Variants in SGCZ observed in about 807,000 individuals in gnomAD.
SGCZ encodes the protein sarcoglycan zeta.
SGCZ carries 40 observed loss-of-function variants against 41.3 expected under a neutral mutation model. The observed-to-expected ratio is 0.97, with a 90% CI of 0.75 to 1.26. The LOEUF is 1.26. Among genes scored for constraint, SGCZ ranks in the 50% most tolerant of loss-of-function variants. The pLI, the probability that SGCZ is intolerant of heterozygous loss-of-function variation, is 0.00. For synonymous variants in SGCZ, 206 were observed against 137.5 expected, an observed-to-expected ratio of 1.50 and a Z score of -3.49; for missense variants, 552 against 369.8, an observed-to-expected ratio of 1.49 and a Z score of -4.04.
chr8:14,520,821 G>C (rs374986728), intron 2 of SGCZ, among the ~76,000 whole-genome samples: 21 of 152,136 alleles, frequency 1.4e-4, no homozygotes, highest in African/African-American at 5.1e-4. Flanking sequence ...TAAAATGAGA[G>C]AGCATTCTTT....
rs768585806 is a variant in SGCZ at position 14,085,577 on chromosome 8, G to A, written c.*4866C>T. On this transcript the variant is annotated 3_prime_UTR_variant, in exon 8 of 8. Transcript: ENST00000382080. ...GTTAACAATTAAAAAATAGCCCTCT[G>A]GTTCTACAAGTATTTCAAATTTTAT... 6.6e-6 allele frequency among the ~76,000 whole-genome samples: 1 copy of A among 151,852 alleles called. No individual in the cohort carries two copies. Among genetic ancestry groups the A allele is most frequent in the South Asian group, 2.1e-4 (1 of 4,818 alleles).
intron 1 of SGCZ, among the ~76,000 whole-genome samples, chr8:14,730,034 C>T (rs1021820196): frequency 1.3e-5 from 2 of 152,054 alleles, no homozygotes; most frequent in Non-Finnish European, 2.9e-5. Flanking sequence ...TGCAGTGAGC[C>T]GAGATCGTGC....
chr8:15,110,086 G>A (rs894632078), intron 1 of SGCZ, among the ~76,000 whole-genome samples: 2 of 152,120 alleles, frequency 1.3e-5, no homozygotes, highest in Non-Finnish European at 1.5e-5. Flanking sequence ...AATCTATCGT[G>A]AGCTTAGAAA....
At chr8:15,058,757 G>C (rs1290465743) in intron 1 of SGCZ, among the ~76,000 whole-genome samples, 1 of 152,094 alleles carries the variant, frequency 6.6e-6, no homozygotes, top group African/African-American at 2.4e-5. Flanking sequence ...CTTCTTTTAA[G>C]AAAATCTCGT....
intron 1 of SGCZ, among the ~76,000 whole-genome samples, chr8:14,720,649 C>A (rs1380302249): frequency 6.6e-6 from 1 of 152,018 alleles, no homozygotes; most frequent in African/African-American, 2.4e-5. Context: ...AGTTTTATCA[C>A]AACCCAGCCA....
intron 4 of SGCZ, among the ~76,000 whole-genome samples, chr8:14,212,401 G>A (rs1358662395): frequency 6.8e-6 from 1 of 148,044 alleles, no homozygotes; most frequent in Non-Finnish European, 1.5e-5. Context: ...AAGGCATCAA[G>A]CAGGAGCTTT....
At chr8:15,189,344 C>A (rs939179177) in intron 1 of SGCZ, among the ~76,000 whole-genome samples, 1 of 152,116 alleles carries the variant, frequency 6.6e-6, no homozygotes, top group Admixed American at 6.6e-5. Context: ...AGCAAACATA[C>A]GTTTTCTCTA....
At chr8:14,436,668 T>C (rs1250776610) in intron 2 of SGCZ, among the ~76,000 whole-genome samples, 1 of 152,234 alleles carries the variant, frequency 6.6e-6, no homozygotes, top group African/African-American at 2.4e-5. Flanking sequence ...TGTTTCTCTT[T>C]AGACTGTCAT....
At chr8:14,607,210 T>C (rs965792964) in intron 1 of SGCZ, among the ~76,000 whole-genome samples, 1 of 152,172 alleles carries the variant, frequency 6.6e-6, no homozygotes, top group Non-Finnish European at 1.5e-5. Flanking sequence ...AGACATATAC[T>C]GAAAATTAAA....
chr8:15,147,917 C>T (rs549151375), intron 1 of SGCZ, among the ~76,000 whole-genome samples: 5 of 152,208 alleles, frequency 3.3e-5, no homozygotes, highest in Admixed American at 1.3e-4. Context: ...TTGCTTAATT[C>T]GTGGTAGAAT....
At chr8:14,403,601 G>A (rs1045132736) in intron 2 of SGCZ, among the ~76,000 whole-genome samples, 13 of 152,004 alleles carry the variant, frequency 8.6e-5, no homozygotes, top group Middle Eastern at 3.4e-3. Flanking sequence ...TTATTGATTC[G>A]CGTATATTGA....
chr8:14,402,663 C>A (rs1175449696), intron 2 of SGCZ, among the ~76,000 whole-genome samples: 1 of 142,714 alleles, frequency 7.0e-6, no homozygotes, highest in Non-Finnish European at 1.5e-5. Flanking sequence ...TGTTTTGGTA[C>A]CAGTACCACG....
At chr8:15,057,103 T>A (rs1804738159) in intron 1 of SGCZ, among the ~76,000 whole-genome samples, 1 of 152,196 alleles carries the variant, frequency 6.6e-6, no homozygotes, top group South Asian at 2.1e-4. Flanking sequence ...GTTCCCCGAT[T>A]ACCACTGTGT....
intron 5 of SGCZ, among the ~76,000 whole-genome samples, chr8:14,137,434 A>C (rs574052093): frequency 1.3e-5 from 2 of 152,216 alleles, no homozygotes; most frequent in Non-Finnish European, 2.9e-5. Context: ...AACCTTGAAA[A>C]AATGTTAGAT....
chr8:14,399,488 T>C (rs576355876), intron 2 of SGCZ, among the ~76,000 whole-genome samples: 5 of 152,202 alleles, frequency 3.3e-5, no homozygotes, highest in South Asian at 2.1e-4. Flanking sequence ...CCTGGATATA[T>C]AGGTTCTTTC....
Position 14,384,793 on chromosome 8 carries a change from C to T in SGCZ, c.235-60589G>A, listed in dbSNP as rs569742607. ...CTTGAACTCCTGGTCTCAAGTGATCCGCCCGCCTTGGCTTCCCAGAGTGCT... is the reference window on the plus strand; with the variant it reads ...CTTGAACTCCTGGTCTCAAGTGATCTGCCCGCCTTGGCTTCCCAGAGTGCT... On this transcript the variant is annotated intron_variant, in intron 2 of 7. Coordinates refer to ENST00000382080, the MANE Select transcript of SGCZ (RefSeq NM_139167.4). Among the ~76,000 whole-genome samples the T allele has an allele frequency of 1.9e-4, 29 of 152,246 alleles. No homozygotes were observed. In the East Asian group the frequency reaches 4.5e-3, roughly 23 times the overall value.
Position 14,449,148 on chromosome 8 carries a change from A to G in SGCZ, c.234+105584T>C, listed in dbSNP as rs73517492. On this transcript the variant is annotated intron_variant, in intron 2 of 7. Coordinates refer to ENST00000382080, the MANE Select transcript of SGCZ (RefSeq NM_139167.4). Reference sequence around the variant, plus strand: ...ATTCGGGGAGGAATTGTGCTGTACAAATGATTTTACCAACCTTATCACATT... The same window carrying G: ...ATTCGGGGAGGAATTGTGCTGTACAGATGATTTTACCAACCTTATCACATT... Among the ~76,000 whole-genome samples, 779 of 152,302 alleles carry G rather than the reference A, an allele frequency of 5.1e-3. 6 individuals are homozygous for G. Among genetic ancestry groups the G allele is most frequent in the African/African-American group, 0.018 (750 of 41,564 alleles).
At chr8:14,519,143 G>A (rs953181633) in intron 2 of SGCZ, among the ~76,000 whole-genome samples, 1 of 150,440 alleles carries the variant, frequency 6.6e-6, no homozygotes, top group South Asian at 2.1e-4. Context: ...TAAGTTACTA[G>A]ATCAATTAAG....
Position 14,309,206 on chromosome 8 carries a change from A to G in SGCZ, c.336+14897T>C, listed in dbSNP as rs1801445062. On this transcript the variant is annotated intron_variant, in intron 3 of 7. Coordinates refer to ENST00000382080, the MANE Select transcript of SGCZ (RefSeq NM_139167.4). ...TTGGCAAGCAAACCTGCTGCGGCTGATCTCTAAGTTTGATACTGTTGAAGA... is the reference window on the plus strand; with the variant it reads ...TTGGCAAGCAAACCTGCTGCGGCTGGTCTCTAAGTTTGATACTGTTGAAGA... 5 of 1,491,662 alleles carry G rather than the reference A, an allele frequency of 3.4e-6. No homozygotes were observed. The South Asian group carries it at 5.6e-5, about 17-fold the overall frequency. 92.4% of individuals were successfully genotyped at this position (1,491,662 alleles called of 1,614,324 possible).
Sources: gnomAD v4.1 joint callset for allele counts (sites outside exome capture counted in the v4.1 genomes callset) on GRCh38, gnomAD v4.1.1 for gene constraint, MANE v1.5 for transcripts, NCBI Gene and HGNC (gene_info 2026-07-23, HGNC 2026-07-21) for gene names.